Variants in SUSD1 observed in about 807,000 individuals in gnomAD.
The protein encoded by SUSD1 is sushi domain-containing protein 1.
Under a neutral mutation model 86.9 loss-of-function variants are expected in SUSD1, and 65 were observed. That is an observed-to-expected ratio of 0.75 (90% confidence interval 0.61 to 0.92). The LOEUF (loss-of-function observed/expected upper bound fraction) is 0.92, where lower values mean the gene tolerates loss of function less well. Ranked by LOEUF, SUSD1 falls within the 40% of genes least tolerant of loss-of-function variation. The pLI, the probability that SUSD1 is intolerant of heterozygous loss-of-function variation, is 0.00. For missense variants in SUSD1, 850 were observed against 929.7 expected, an observed-to-expected ratio of 0.91 and a Z score of 1.11; for synonymous variants, 346 against 350.0, an observed-to-expected ratio of 0.99 and a Z score of 0.13.
At chr9:112,064,040 T>C (rs1290412939) in intron 12 of SUSD1, among the ~76,000 whole-genome samples, 2 of 116,940 alleles carry the variant, frequency 1.7e-5, no homozygotes, top group African/African-American at 7.2e-5. Context: ...TTTTTCTTTC[T>C]TTTTTTGGGG....
intron 10 of SUSD1, among the ~76,000 whole-genome samples, chr9:112,084,548 C>T (rs912593973): frequency 6.6e-6 from 1 of 152,142 alleles, no homozygotes. Context: ...TCATTCAGTT[C>T]CACCCGGGTC....
At chr9:112,140,542 G>GAAAGGAA (rs1832520457) in intron 5 of SUSD1, among the ~76,000 whole-genome samples, 1 of 151,016 alleles carries the variant, frequency 6.6e-6, no homozygotes, top group Non-Finnish European at 1.5e-5. Flanking sequence ...GAAAAGAAAA[G>GAAAGGAA]AAAGGAAAAA....
intron 3 of SUSD1, among the ~76,000 whole-genome samples, chr9:112,145,610 C>T (rs12339388): frequency 0.24 from 36,768 of 152,054 alleles, 4,898 homozygotes; most frequent in African/African-American, 0.34. Context: ...GACATTTTAG[C>T]CCCCAAAAGA....
chr9:112,084,285 C>T lies in SUSD1; in HGVS notation c.1475-4120G>A, dbSNP rs528352835. On this transcript the variant is annotated intron_variant, in intron 10 of 16. Coordinates refer to ENST00000374270, the MANE Select transcript of SUSD1 (RefSeq NM_022486.5). ...GATAATAAGTTAATAAATTAGTATACCTTTATGTGATAGAATACTGTGCTT... is the reference window on the plus strand; with the variant it reads ...GATAATAAGTTAATAAATTAGTATATCTTTATGTGATAGAATACTGTGCTT... Among the ~76,000 whole-genome samples the T allele has an allele frequency of 4.6e-5, 7 of 152,102 alleles. No homozygotes were observed. The East Asian group carries it at 1.3e-3, about 29-fold the overall frequency.
At chr9:112,073,979 G>A (rs891509756) in intron 12 of SUSD1, among the ~76,000 whole-genome samples, 4 of 152,168 alleles carry the variant, frequency 2.6e-5, no homozygotes, top group African/African-American at 9.7e-5. Flanking sequence ...CACTTTGGGA[G>A]GCCGAAGTGG....
At chr9:112,123,847 G>GT (rs369974007) in intron 6 of SUSD1, among the ~76,000 whole-genome samples, 33 of 152,160 alleles carry the variant, frequency 2.2e-4, no homozygotes, top group African/African-American at 7.7e-4. Flanking sequence ...TAAATTGTAT[G>GT]TTTTTTGTGT....
At chr9:112,119,407 GAGGGTCA>G (rs1831461317) in intron 6 of SUSD1, among the ~76,000 whole-genome samples, 1 of 152,180 alleles carries the variant, frequency 6.6e-6, no homozygotes. Flanking sequence ...GGCTGGAGAA[GAGGGTCA>G]CCAGCCAAAC....
chr9:112,133,373 C>T (rs1324447357), intron 5 of SUSD1, among the ~76,000 whole-genome samples: 1 of 152,144 alleles, frequency 6.6e-6, no homozygotes, highest in Non-Finnish European at 1.5e-5. Flanking sequence ...GCCAATAGGC[C>T]AATGGAACAG....
intron 14 of SUSD1, among the ~76,000 whole-genome samples, chr9:112,057,708 C>T (rs1282170257): frequency 1.3e-5 from 2 of 152,212 alleles, no homozygotes; most frequent in Non-Finnish European, 2.9e-5. Context: ...ATAAACCTTA[C>T]ACTCAAGATG....
In SUSD1 at chr9:112,175,091, G is replaced by C. The variant is rs1834218873; in HGVS notation, c.103+42C>G. The C allele has an allele frequency of 2.0e-6, 2 of 1,004,032 alleles. No homozygotes were observed. Among genetic ancestry groups the C allele is most frequent in the African/African-American group, 3.5e-5 (2 of 57,184 alleles). The allele number at this position is 1,004,032 out of a possible 1,614,324, so 62.2% of individuals were successfully genotyped here. A position where few individuals can be genotyped will look rare whatever the true frequency, so the allele number is the denominator to read the frequency against. ...CCCAGAGTCCTCGAGGCCCAGCCGG[G>C]GGCCCCGCCGGCCGCCCGTGCCCGT... On this transcript the variant is annotated intron_variant, in intron 1 of 16. Transcript: ENST00000374270. This position sits in a 1 kb window ranked among gnomAD's most constrained non-coding sequence, Gnocchi z 4.7.
Position 112,058,523 on chromosome 9 carries a change from C to CT in SUSD1, c.2013dup (p.Gly672ArgfsTer11). The CT allele has an allele frequency of 1.9e-6, 3 of 1,614,132 alleles. No individual in the cohort carries two copies. Among genetic ancestry groups the CT allele is most frequent in the Non-Finnish European group, 2.5e-6 (3 of 1,180,012 alleles). Reference sequence around the variant, plus strand: ...TATTCCCCATAGTACAGCCTGTCTCCTATAGGTATCTCCATGGCATCATCT... The same window carrying CT: ...TATTCCCCATAGTACAGCCTGTCTCCTTATAGGTATCTCCATGGCATCATCT... On this transcript the variant is annotated frameshift_variant, in exon 14 of 17. Coordinates refer to ENST00000374270, the MANE Select transcript of SUSD1 (RefSeq NM_022486.5). LOFTEE classifies it high-confidence loss of function.
At chr9:112,044,767 C>T (rs552571753) in intron 15 of SUSD1, among the ~76,000 whole-genome samples, 6 of 152,224 alleles carry the variant, frequency 3.9e-5, no homozygotes, top group South Asian at 2.1e-4. Context: ...TAAGCATATT[C>T]GTTAACACAG....
At chr9:112,136,306 T>C (rs1005597854) in intron 5 of SUSD1, among the ~76,000 whole-genome samples, 1 of 152,178 alleles carries the variant, frequency 6.6e-6, no homozygotes, top group Non-Finnish European at 1.5e-5. Context: ...TGATCACAGC[T>C]CACTGTAACC....
chr9:112,104,288 G>T (rs938681484), intron 8 of SUSD1, among the ~76,000 whole-genome samples: 3 of 151,634 alleles, frequency 2.0e-5, no homozygotes, highest in Non-Finnish European at 4.4e-5. Context: ...AAAGTGCTGG[G>T]ATTACAGGCA....
At chr9:112,074,501 C>G (rs978506435) in intron 12 of SUSD1, among the ~76,000 whole-genome samples, 2 of 152,142 alleles carry the variant, frequency 1.3e-5, no homozygotes, top group Non-Finnish European at 2.9e-5. Flanking sequence ...ATTCCTAGAA[C>G]CTTCACTGTC....
intron 2 of SUSD1, among the ~76,000 whole-genome samples, chr9:112,157,074 A>C (rs572733240): frequency 4.3e-4 from 66 of 152,242 alleles, no homozygotes; most frequent in Non-Finnish European, 8.2e-4. Flanking sequence ...GACAGACATA[A>C]GACCCAAAGC....
At chr9:112,124,532 A>G (rs1470584919) in intron 5 of SUSD1, 96 bp from the exon 6 acceptor site, 2 of 1,193,018 alleles carry the variant, frequency 1.7e-6, no homozygotes, top group African/African-American at 1.5e-5. Flanking sequence ...GATAGAGGCC[A>G]CTCAAACAGG....
At chr9:112,045,616 GT>G (rs1397719788) in intron 15 of SUSD1, among the ~76,000 whole-genome samples, 2 of 152,176 alleles carry the variant, frequency 1.3e-5, no homozygotes, top group Non-Finnish European at 2.9e-5. Context: ...GGGAACTGCT[GT>G]TTTTTCTACC....
At chr9:112,169,860 A>G (rs1833968354) in intron 1 of SUSD1, among the ~76,000 whole-genome samples, 1 of 151,914 alleles carries the variant, frequency 6.6e-6, no homozygotes, top group Non-Finnish European at 1.5e-5. Context: ...TTTTTAGTAG[A>G]GATGGGGTTT....
Sources: allele counts gnomAD v4.1 joint callset (sites outside exome capture counted in the v4.1 genomes callset), GRCh38; gene constraint gnomAD v4.1.1; non-coding constraint Gnocchi (gnomAD v3.1); transcripts MANE v1.5; gene names NCBI Gene and HGNC (gene_info 2026-07-23, HGNC 2026-07-21).